Variants in IL20RB observed in about 807,000 individuals in gnomAD.
IL20RB encodes the protein interleukin-20 receptor subunit beta.
In IL20RB, 21 loss-of-function variants were observed where a neutral mutation model predicts 33.3. The ratio of observed to expected loss-of-function variants is 0.63; its 90% confidence interval spans 0.45 to 0.91. IL20RB has a LOEUF of 0.91. Ranked by LOEUF, IL20RB falls within the 40% of genes least tolerant of loss-of-function variation. IL20RB has a pLI of 0.00. For missense variants in IL20RB, 345 were observed against 384.8 expected (o/e 0.90, Z 0.86); for synonymous variants, 147 against 146.8 (o/e 1.00, Z -0.01).
chr3:136,962,520 A>G (rs1040233036), intron 1 of IL20RB, among the ~76,000 whole-genome samples: 2 of 152,060 alleles, frequency 1.3e-5, no homozygotes, highest in Admixed American at 6.5e-5. Context: ...TTGGGAGGCC[A>G]GGGCAGGTGG....
At position 136,995,401 on chromosome 3, in the gene IL20RB, C is replaced by A; in HGVS notation, c.683-13C>A. 1 of 1,612,904 alleles carries A rather than the reference C, an allele frequency of 6.2e-7. No homozygotes were observed. The highest frequency in any genetic ancestry group is 8.5e-7 in the Non-Finnish European group (1 of 1,179,492). On this transcript the variant is annotated splice_polypyrimidine_tract_variant and intron_variant, in intron 5 of 6. Coordinates refer to ENST00000329582, the MANE Select transcript of IL20RB (RefSeq NM_144717.4). ...TGCTGTTTTCTAAGCCTGTTTTTAT[C>A]TTTTGTTTCCAGGAGAGGCCATTCC...
At chr3:136,989,672 G>A (rs1941993237) in intron 4 of IL20RB, 107 bp downstream of exon 4, 2 of 1,283,566 alleles carry the variant, frequency 1.6e-6, no homozygotes, top group Non-Finnish European at 2.2e-6. Flanking sequence ...ACCTGGGGAT[G>A]AGCAGTCCTG....
At position 136,989,561 on chromosome 3, in the gene IL20RB, C is replaced by T; in HGVS notation, c.527C>T (p.Ala176Val). ...GCCTACTGGAGGAGGGAGCCTGGTGCCGAGGTGAGACTCCAGCCTTGGCCT... is the reference window on the plus strand; with the variant it reads ...GCCTACTGGAGGAGGGAGCCTGGTGTCGAGGTGAGACTCCAGCCTTGGCCT... ...LVAYWRREPG[A>V]EEHVKMVRSG... Residue 176 changes from alanine (A) to valine (V), a missense_variant, in exon 4 of 7, where the codon GCC becomes GTC. Coordinates refer to ENST00000329582, the MANE Select transcript of IL20RB (RefSeq NM_144717.4). 1.2e-6 allele frequency: 2 copies of T among 1,613,690 alleles called. No individual in the cohort carries two copies. Among genetic ancestry groups the T allele is most frequent in the South Asian group, 1.1e-5 (1 of 91,068 alleles).
Position 137,005,034 on chromosome 3 carries a change from C to T in IL20RB, c.826-5079C>T, listed in dbSNP as rs1942325064. On this transcript the variant is annotated intron_variant, in intron 6 of 6. Transcript: ENST00000329582. ...TTCATTTCGTTATTTACCCAGTAGTCATTCAGGAGCAAGTTGTTCAGTTGC... is the reference window on the plus strand; with the variant it reads ...TTCATTTCGTTATTTACCCAGTAGTTATTCAGGAGCAAGTTGTTCAGTTGC... 2.0e-5 allele frequency among the ~76,000 whole-genome samples: 3 copies of T among 152,294 alleles called. No homozygotes were observed. The South Asian group carries it at 6.2e-4, about 32-fold the overall frequency.
chr3:136,980,765 T>G (rs1941752149), intron 2 of IL20RB, among the ~76,000 whole-genome samples, 173 bp downstream of exon 2: 1 of 152,174 alleles, frequency 6.6e-6, no homozygotes, highest in African/African-American at 2.4e-5. Context: ...CAAGGGAAAT[T>G]GTTCTGTGGA....
At chr3:136,995,578 C>A (rs754314037) in intron 6 of IL20RB, 22 bp downstream of exon 6, 27 of 1,612,204 alleles carry the variant, frequency 1.7e-5, no homozygotes, top group Middle Eastern at 1.7e-4. Flanking sequence ...GTTCTTTATT[C>A]CTTTCAGTAT....
chr3:137,010,452 T>C lies in IL20RB; in HGVS notation c.*229T>C, dbSNP rs1287927087. 5 of 458,092 alleles carry C rather than the reference T, an allele frequency of 1.1e-5. No homozygotes were observed. 28.4% of individuals were successfully genotyped at this position (458,092 alleles called of 1,614,324 possible). ...CTCTAGACTGGGGGCTGCCACTTGC[T>C]GGCTGAGCAACCCTGGGAAAAGTGA... On this transcript the variant is annotated 3_prime_UTR_variant, in exon 7 of 7. Coordinates refer to ENST00000329582, the MANE Select transcript of IL20RB (RefSeq NM_144717.4).
chr3:136,980,320 C>G, intron 1 of IL20RB, 146 bp from the exon 2 acceptor site: 4 of 755,130 alleles, frequency 5.3e-6, no homozygotes, highest in East Asian at 2.9e-5. Flanking sequence ...GAGTCTCATT[C>G]TGTTGTCTAG....
intron 1 of IL20RB, among the ~76,000 whole-genome samples, chr3:136,962,156 A>T (rs916917322): frequency 6.6e-6 from 1 of 152,240 alleles, no homozygotes; most frequent in Non-Finnish European, 1.5e-5. Flanking sequence ...AGAAATATCC[A>T]TCAGTAGATG....
At chr3:136,992,142 G>C (rs956359337) in intron 5 of IL20RB, 54 bp downstream of exon 5, 25 of 1,582,522 alleles carry the variant, frequency 1.6e-5, no homozygotes, top group Admixed American at 3.4e-5. Context: ...GCCCCTCCTG[G>C]CATATCTCAG....
Position 137,010,175 on chromosome 3 carries a change from C to T in IL20RB, c.888C>T (p.Ala296=), listed in dbSNP as rs1577038278. 1 of 1,609,226 alleles carries T rather than the reference C, an allele frequency of 6.2e-7. No homozygotes were observed. Among genetic ancestry groups the T allele is most frequent in the Non-Finnish European group, 8.5e-7 (1 of 1,175,624 alleles). The change falls in exon 7 of 7, where the codon GCC becomes GCT. Residue 296 remains alanine (A), a synonymous_variant. Transcript: ENST00000329582. ...SCRREEVDAC[A]TAVMSPEELL... is the part of the protein sequence containing the mutation. Reference sequence around the variant, plus strand: ...GAAGGGAGGAGGTGGATGCCTGTGCCACGGCTGTGATGTCTCCTGAGGAAC... The same window carrying T: ...GAAGGGAGGAGGTGGATGCCTGTGCTACGGCTGTGATGTCTCCTGAGGAAC...
rs1941088665 is a variant in IL20RB, at chr3:136,958,007, C to G, written c.-107C>G. The G allele has an allele frequency of 1.3e-6, 1 of 746,002 alleles. No homozygotes were observed. Among genetic ancestry groups the G allele is most frequent in the African/African-American group, 1.8e-5 (1 of 56,806 alleles). 46.2% of individuals were successfully genotyped at this position (746,002 alleles called of 1,614,324 possible). A position where few individuals can be genotyped will look rare whatever the true frequency, so the allele number is the denominator to read the frequency against. On this transcript the variant is annotated 5_prime_UTR_variant, in exon 1 of 7. Transcript: ENST00000329582. The stretch of plus-strand genomic sequence containing the variant: ...TAGAACAATTCAGGCTTCGCTGCGA[C>G]TCAGACCTCAGCTCCAACATATGCA...
In IL20RB at chr3:137,010,247, G is replaced by T. The variant is rs200520220; in HGVS notation, c.*24G>T. The T allele has an allele frequency of 3.5e-5, 38 of 1,082,252 alleles. No homozygotes were observed. The East Asian group carries it at 8.7e-4, about 25-fold the overall frequency. The allele number at this position is 1,082,252 out of a possible 1,614,324, so 67.0% of individuals were successfully genotyped here. On this transcript the variant is annotated 3_prime_UTR_variant, in exon 7 of 7. Transcript: ENST00000329582. ...AGGTTTGCGGAAGGGCCCAGGTGAA[G>T]CCGAGAACCTGGTCTGCATGACATG...
intron 6 of IL20RB, among the ~76,000 whole-genome samples, chr3:137,004,778 C>G (rs1942319810): frequency 1.3e-5 from 2 of 152,100 alleles, no homozygotes; most frequent in Admixed American, 6.5e-5. Context: ...CAGTTCTGCT[C>G]TCAACTTAGT....
chr3:137,004,817 T>G (rs916473494), intron 6 of IL20RB, among the ~76,000 whole-genome samples: 6 of 152,238 alleles, frequency 3.9e-5, no homozygotes, highest in Non-Finnish European at 8.8e-5. Flanking sequence ...AGCTTTTGAA[T>G]GTGTTTGCTC....
At chr3:136,985,341 T>C (rs1287188690) in intron 3 of IL20RB, among the ~76,000 whole-genome samples, 22 of 148,878 alleles carry the variant, frequency 1.5e-4, no homozygotes, top group South Asian at 6.3e-4. Flanking sequence ...CTCTCTCTTT[T>C]TTTTTTTTTT....
chr3:136,992,639 C>G (rs2108210208), intron 5 of IL20RB, among the ~76,000 whole-genome samples: 1 of 152,350 alleles, frequency 6.6e-6, no homozygotes, highest in Non-Finnish European at 1.5e-5. Flanking sequence ...ATCTGTCACT[C>G]AAACATCACT....
At chr3:136,980,667 G>A in intron 2 of IL20RB, 75 bp downstream of exon 2, 9 of 1,544,516 alleles carry the variant, frequency 5.8e-6, no homozygotes, top group Non-Finnish European at 8.0e-6. Context: ...TTCCTCCTGA[G>A]CCCAAGGTGG....
chr3:137,003,254 C>T (rs1013465545), intron 6 of IL20RB, among the ~76,000 whole-genome samples: 62 of 152,244 alleles, frequency 4.1e-4, no homozygotes, highest in African/African-American at 1.2e-3. Flanking sequence ...GCAATGCGGG[C>T]TCTTTTTTGG....
Sources: gnomAD v4.1 joint callset for allele counts (sites outside exome capture counted in the v4.1 genomes callset) on GRCh38, gnomAD v4.1.1 for gene constraint, MANE v1.5 for transcripts, NCBI Gene and HGNC (gene_info 2026-07-23, HGNC 2026-07-21) for gene names.